TTC34: variants seen among roughly 807,000 people sequenced by gnomAD.
The protein encoded by TTC34 is tetratricopeptide repeat protein 34.
Under a neutral mutation model 40.7 loss-of-function variants are expected in TTC34, and 44 were observed. The ratio of observed to expected loss-of-function variants is 1.08; its 90% confidence interval spans 0.85 to 1.39. TTC34 has a LOEUF of 1.39. Among genes scored for constraint, TTC34 ranks in the 40% most tolerant of loss-of-function variants. The probability of loss-of-function intolerance (pLI) is 0.00; values close to 1 mark genes in which losing one functional copy is unlikely to be tolerated. For synonymous variants in TTC34, 422 were observed against 398.6 expected, an observed-to-expected ratio of 1.06 and a Z score of -0.70; for missense variants, 884 against 838.0, an observed-to-expected ratio of 1.05 and a Z score of -0.68.
intron 6 of TTC34, among the ~76,000 whole-genome samples, chr1:2,768,650 G>C (rs1182738161): frequency 6.6e-6 from 1 of 151,618 alleles, no homozygotes; most frequent in African/African-American, 2.4e-5. Flanking sequence ...GCCTGGAACA[G>C]CAGCTCACAT....
rs1178555036 is a variant in TTC34 at position 2,789,586 on chromosome 1, C to T, written c.1545G>A (p.Leu515=). 8 of 1,445,936 alleles carry T rather than the reference C, an allele frequency of 5.5e-6. No individual in the cohort carries two copies. The African/African-American group carries it at 1.0e-4, about 19-fold the overall frequency. 89.6% of individuals were successfully genotyped at this position (1,445,936 alleles called of 1,614,324 possible). Residue 515 remains leucine, a synonymous_variant, in exon 3 of 9, where the codon CTG becomes CTA. Transcript: ENST00000401095. Reference sequence around the variant, plus strand: ...ACGGCCCGGCGCGTGGAGATCGCTGCAGCATCCCACGGGCCTCCTCCCGCA... The same window carrying T: ...ACGGCCCGGCGCGTGGAGATCGCTGTAGCATCCCACGGGCCTCCTCCCGCA...
chr1:2,687,125 C>G (rs1236353514), intron 6 of TTC34, among the ~76,000 whole-genome samples: 1 of 145,080 alleles, frequency 6.9e-6, no homozygotes, highest in Non-Finnish European at 1.5e-5. Flanking sequence ...CACCCCACAC[C>G]CACAGGTGAG....
exon 9 of TTC34, chr1:2,641,619 C>T (rs1447023173): frequency 1.3e-5 from 20 of 1,534,352 alleles, no homozygotes; most frequent in Non-Finnish European, 1.7e-5. Context: ...AAGGCCCCTG[C>T]GGCCGCCGCC....
chr1:2,775,969 C>T (rs1157844558), intron 6 of TTC34: 1 of 106,564 alleles, frequency 9.4e-6, no homozygotes, highest in African/African-American at 5.3e-5. Flanking sequence ...TTATCAGATG[C>T]TCACCTGGGG....
intron 6 of TTC34, among the ~76,000 whole-genome samples, chr1:2,695,216 C>T (rs1445238405): frequency 1.2e-5 from 1 of 81,084 alleles, no homozygotes; most frequent in Non-Finnish European, 2.6e-5. Context: ...CATCTGACAG[C>T]CTGGAATAGG....
rs374738375 is a variant in TTC34, at chr1:2,694,906, C to A, written c.2227-49343G>T. 8.0e-3 allele frequency among the ~76,000 whole-genome samples: 1,018 copies of A among 127,408 alleles called. 34 individuals carry two copies. The highest frequency in any genetic ancestry group is 0.011 in the Non-Finnish European group (648 of 57,442). 83.6% of individuals were successfully genotyped at this position (127,408 alleles called of 152,430 possible). On this transcript the variant is annotated intron_variant, in intron 6 of 8. Transcript: ENST00000401095. Reference sequence around the variant, plus strand: ...AGCATCCGACAGCCTGGAACAGCACCCACACACTCACGCGAGCACCTGACA... The same window carrying A: ...AGCATCCGACAGCCTGGAACAGCACACACACACTCACGCGAGCACCTGACA...
chr1:2,684,275 C>A (rs1441531241), intron 6 of TTC34, among the ~76,000 whole-genome samples: 12 of 144,854 alleles, frequency 8.3e-5, no homozygotes, highest in African/African-American at 2.9e-4. Flanking sequence ...GGAACCCACG[C>A]CCACAGGCAA....
intron 6 of TTC34, among the ~76,000 whole-genome samples, chr1:2,656,091 A>C (rs1639333646): frequency 6.6e-6 from 1 of 152,150 alleles, no homozygotes; most frequent in African/African-American, 2.4e-5. Context: ...AGCAGCACCC[A>C]CACACAGAGG....
chr1:2,693,341 C>T (rs1409178406), intron 6 of TTC34, among the ~76,000 whole-genome samples: 2 of 101,296 alleles, frequency 2.0e-5, no homozygotes, highest in Non-Finnish European at 4.5e-5. Flanking sequence ...GAACAGCACG[C>T]ACACCCCCAG....
At chr1:2,683,151 C>A (rs1472677419) in intron 6 of TTC34, among the ~76,000 whole-genome samples, 4 of 137,728 alleles carry the variant, frequency 2.9e-5, no homozygotes, top group African/African-American at 1.1e-4. Context: ...GCACGCACAG[C>A]CCCAGGAGAG....
chr1:2,696,569 A>G (rs532477857), intron 6 of TTC34, among the ~76,000 whole-genome samples: 1 of 62,996 alleles, frequency 1.6e-5, no homozygotes, highest in African/African-American at 5.8e-5. Context: ...CCCCCAGGTG[A>G]GCATCTGACA....
intron 6 of TTC34, among the ~76,000 whole-genome samples, chr1:2,752,894 C>A (rs1202500237): frequency 2.5e-4 from 37 of 147,248 alleles, no homozygotes; most frequent in African/African-American, 7.8e-4. Context: ...GGCACCCACA[C>A]CCCCAGGTGA....
intron 6 of TTC34, among the ~76,000 whole-genome samples, chr1:2,750,936 A>T (rs1322095951): frequency 1.8e-5 from 2 of 113,550 alleles, no homozygotes; most frequent in Admixed American, 1.8e-4. Context: ...CCTTCAGGCG[A>T]GCATCGGACA....
At position 2,645,730 on chromosome 1, in the gene TTC34, C is replaced by T. The variant is rs529747887; in HGVS notation, c.2227-167G>A. Among the ~76,000 whole-genome samples the T allele has an allele frequency of 1.3e-3, 196 of 152,304 alleles. No individual in the cohort carries two copies. Among genetic ancestry groups the T allele is most frequent in the African/African-American group, 4.2e-3 (175 of 41,552 alleles). On this transcript the variant is annotated intron_variant, in intron 6 of 8. Coordinates refer to ENST00000401095, the Ensembl canonical transcript of TTC34. The surrounding 1 kb of genome is among the most constrained non-coding windows in gnomAD (Gnocchi z 4.7). ...CCTGCCCCTTCCTGCTTCTCTGTGG[C>T]TGCAGCCTCCTACCATCCCTCCTGA...
At chr1:2,756,675 GAGCAGCTGAAATCCTGGAACAGCACC>G (rs1641517291) in intron 6 of TTC34, among the ~76,000 whole-genome samples, 1 of 1,726 alleles carries the variant, frequency 5.8e-4, no homozygotes, top group Non-Finnish European at 1.2e-3. Flanking sequence ...ACCCCCAGGT[GAGCAGCTGAAATCCTGGAACAGCACC>G]CACACCCCTA....
intron 6 of TTC34, among the ~76,000 whole-genome samples, chr1:2,687,732 G>A (rs1640429933): frequency 6.6e-6 from 1 of 151,208 alleles, no homozygotes; most frequent in South Asian, 2.1e-4. Context: ...CACACCCCCA[G>A]GTGAACATCC....
At chr1:2,688,347 A>G (rs1423280876) in intron 6 of TTC34, among the ~76,000 whole-genome samples, 1 of 148,754 alleles carries the variant, frequency 6.7e-6, no homozygotes, top group African/African-American at 2.5e-5. Context: ...TGAGCATCGG[A>G]CAGCCTGGAG....
chr1:2,644,723 T>C (rs1327567386), intron 7 of TTC34, among the ~76,000 whole-genome samples: 1 of 152,134 alleles, frequency 6.6e-6, no homozygotes, highest in African/African-American at 2.4e-5. Context: ...AGGGGCTGCT[T>C]TCTCTCCCGG....
intron 6 of TTC34, among the ~76,000 whole-genome samples, chr1:2,690,961 G>T (rs1640591667): frequency 1.3e-5 from 1 of 74,462 alleles, no homozygotes; most frequent in African/African-American, 4.4e-5. Context: ...GCATCTGACA[G>T]ACTGGAACAG....
Sources: allele counts gnomAD v4.1 joint callset (sites outside exome capture counted in the v4.1 genomes callset), GRCh38; gene constraint gnomAD v4.1.1; non-coding constraint Gnocchi (gnomAD v3.1); transcripts MANE v1.5; gene names NCBI Gene and HGNC (gene_info 2026-07-23, HGNC 2026-07-21).